The following ATOSA variants were observed in gnomAD, a reference collection of about 807,000 sequenced individuals.
The protein encoded by ATOSA is atos homolog A, also known as atos homolog protein A.
At chr15:52,600,016 A>C in the ATOSA span, 1 of 503,840 alleles carries the variant, frequency 2.0e-6, no homozygotes, top group Non-Finnish European at 3.5e-6. Context: ...GGCTTGAAAA[A>C]AGACAATTAT....
At chr15:52,632,991 C>T in the ATOSA span, among the ~76,000 whole-genome samples, 1 of 152,004 alleles carries the variant, frequency 6.6e-6, no homozygotes, top group African/African-American at 2.4e-5. Flanking sequence ...CTGTAGAATT[C>T]AATTTTACAA....
At chr15:52,635,465 G>A in the ATOSA span, among the ~76,000 whole-genome samples, 3 of 152,110 alleles carry the variant, frequency 2.0e-5, no homozygotes, top group Non-Finnish European at 4.4e-5. Context: ...GGCTGAAGTG[G>A]GAGGACCACT....
the ATOSA span, among the ~76,000 whole-genome samples, chr15:52,668,928 C>T: frequency 4.1e-5 from 6 of 146,722 alleles, no homozygotes; most frequent in East Asian, 2.0e-4. Context: ...TTTTTTGAGA[C>T]GGAGACTCAC....
the ATOSA span, among the ~76,000 whole-genome samples, chr15:52,675,384 T>G: frequency 6.6e-6 from 1 of 151,902 alleles, no homozygotes; most frequent in Middle Eastern, 3.2e-3. Flanking sequence ...AGAAAAAGAA[T>G]TAAGGCATTT....
the ATOSA span, among the ~76,000 whole-genome samples, chr15:52,670,825 G>A: frequency 6.6e-6 from 1 of 152,104 alleles, no homozygotes; most frequent in Non-Finnish European, 1.5e-5. Context: ...TATGTTCTTT[G>A]ACATATTATC....
the ATOSA span, among the ~76,000 whole-genome samples, chr15:52,673,338 T>A: frequency 6.6e-6 from 1 of 152,240 alleles, no homozygotes; most frequent in Non-Finnish European, 1.5e-5. Context: ...CAAAATCTTA[T>A]GGTATTTTAA....
the ATOSA span, among the ~76,000 whole-genome samples, chr15:52,612,041 GT>G: frequency 1.3e-5 from 2 of 152,062 alleles, no homozygotes; most frequent in Admixed American, 1.3e-4. Context: ...CTGGAGGGCA[GT>G]GGTGCAGTCT....
At chr15:52,597,691 T>C in the ATOSA span, among the ~76,000 whole-genome samples, 1 of 152,146 alleles carries the variant, frequency 6.6e-6, no homozygotes, top group African/African-American at 2.4e-5. Flanking sequence ...ACAGATGAAT[T>C]GAATGGATGA....
chr15:52,642,915 G>A, the ATOSA span, among the ~76,000 whole-genome samples: 10 of 151,926 alleles, frequency 6.6e-5, no homozygotes, highest in East Asian at 1.9e-4. Flanking sequence ...TCATCTTCCC[G>A]CCTTGGCCTC....
the ATOSA span, among the ~76,000 whole-genome samples, chr15:52,645,210 A>G: frequency 4.6e-5 from 7 of 152,342 alleles, no homozygotes; most frequent in East Asian, 1.4e-3. Context: ...AGGCCGAGGC[A>G]GGCACATCAC....
chr15:52,681,202 TCAA>T, the ATOSA span, among the ~76,000 whole-genome samples: 1 of 152,232 alleles, frequency 6.6e-6, no homozygotes, highest in African/African-American at 2.4e-5. Flanking sequence ...TTAAACCTGT[TCAA>T]AAATTTGAAA....
At chr15:52,623,869 A>G in the ATOSA span, among the ~76,000 whole-genome samples, 1 of 152,200 alleles carries the variant, frequency 6.6e-6, no homozygotes, top group Non-Finnish European at 1.5e-5. Context: ...CCTTTCTAGA[A>G]AAGTATTAAA....
At chr15:52,601,413 T>A in the ATOSA span, among the ~76,000 whole-genome samples, 13 of 152,094 alleles carry the variant, frequency 8.5e-5, 1 homozygote, top group Admixed American at 8.5e-4. Context: ...GCAGAAACAT[T>A]TTTTTCCAAA....
chr15:52,651,819 G>A, the ATOSA span: 2 of 1,519,804 alleles, frequency 1.3e-6, no homozygotes, highest in African/African-American at 2.8e-5. Context: ...AACAGCTACA[G>A]AAAATTGGAA....
the ATOSA span, among the ~76,000 whole-genome samples, chr15:52,592,763 T>C: frequency 5.9e-5 from 9 of 152,242 alleles, no homozygotes; most frequent in African/African-American, 2.2e-4. Flanking sequence ...ATGTGGGCTG[T>C]AGGCCGGACA....
the ATOSA span, chr15:52,581,999 A>G: frequency 1.7e-6 from 1 of 587,896 alleles, no homozygotes; most frequent in Non-Finnish European, 2.8e-6. Context: ...CATGGAATAT[A>G]TGGATTTCAT....
chr15:52,612,956 T>C, the ATOSA span, among the ~76,000 whole-genome samples: 1 of 150,782 alleles, frequency 6.6e-6, no homozygotes, highest in African/African-American at 2.4e-5. Context: ...TATCTTCCCA[T>C]TTAAAAAAAA....
the ATOSA span, chr15:52,709,785 C>G: frequency 2.6e-5 from 4 of 152,406 alleles, no homozygotes; most frequent in East Asian, 7.7e-4. Flanking sequence ...GGGAGATGAT[C>G]TGAAAGTCTA....
chr15:52,706,384 G>C, the ATOSA span, among the ~76,000 whole-genome samples: 23 of 152,188 alleles, frequency 1.5e-4, no homozygotes, highest in African/African-American at 5.3e-4. Flanking sequence ...ACTCTGGTTA[G>C]TAGATGAGCT....
Sources: gnomAD v4.1 joint callset for allele counts (sites outside exome capture counted in the v4.1 genomes callset) on GRCh38, gnomAD v4.1.1 for gene constraint, MANE v1.5 for transcripts, NCBI Gene and HGNC (gene_info 2026-07-23, HGNC 2026-07-21) for gene names.